The following SYTL5 variants were observed in gnomAD, a reference collection of about 807,000 sequenced individuals.
SYTL5 encodes the protein synaptotagmin like 5, also known as synaptotagmin-like protein 5.
Under a neutral mutation model 55.9 loss-of-function variants are expected in SYTL5, and 34 were observed. The ratio of observed to expected loss-of-function variants is 0.61; its 90% CI spans 0.46 to 0.81. The LOEUF (loss-of-function observed/expected upper bound fraction) is 0.81. Ranked by LOEUF, SYTL5 falls within the 30% of genes least tolerant of loss-of-function variation. The pLI, the probability that SYTL5 is intolerant of heterozygous loss-of-function variation, is 0.00. For missense variants in SYTL5, 637 were observed against 546.7 expected, an observed-to-expected ratio of 1.17 and a Z score of -1.65; for synonymous variants, 221 against 188.7, an observed-to-expected ratio of 1.17 and a Z score of -1.40.
intron 16 of SYTL5, among the ~76,000 whole-genome samples, chrX:38,126,004 A>G (rs1180567050): frequency 1.8e-5 from 2 of 111,980 alleles, no homozygotes; most frequent in African/African-American, 3.3e-5. Flanking sequence ...AGATCAAGGA[A>G]ACCCACCACT....
intron 6 of SYTL5, 134 bp downstream of exon 6, chrX:38,076,835 G>C: frequency 1.4e-6 from 1 of 707,987 alleles, no homozygotes; most frequent in Non-Finnish European, 2.1e-6. Context: ...GAAAATTCAG[G>C]AAGATATTTT....
At chrX:37,940,170 C>CA in the SYTL5 span, among the ~76,000 whole-genome samples, 1 of 110,749 alleles carries the variant, frequency 9.0e-6, no homozygotes, top group Non-Finnish European at 1.9e-5. Flanking sequence ...AGCCATTCTC[C>CA]AACCTCTGCC....
the SYTL5 span, among the ~76,000 whole-genome samples, chrX:37,941,181 G>A: frequency 2.7e-5 from 3 of 111,550 alleles, no homozygotes; most frequent in South Asian, 3.8e-4. Flanking sequence ...AAAATGCATC[G>A]ACTTCAGGGA....
At chrX:38,014,244 A>G (rs1483319833) in intron 1 of SYTL5, among the ~76,000 whole-genome samples, 2 of 112,173 alleles carry the variant, frequency 1.8e-5, no homozygotes, top group East Asian at 5.6e-4. Flanking sequence ...TTGTGTGTGT[A>G]CATATATGTT....
At chrX:38,103,128 C>T (rs1937123715) in intron 10 of SYTL5, 1 of 996,277 alleles carries the variant, frequency 1.0e-6, no homozygotes, top group Admixed American at 2.8e-5. Context: ...TCTTTCCAAC[C>T]ATACTTCACA....
the SYTL5 span, chrX:37,991,373 T>C: frequency 1.3e-6 from 1 of 790,915 alleles, no homozygotes; most frequent in South Asian, 3.0e-5. Flanking sequence ...CTGTAAGACA[T>C]CCAGGGGAAG....
the SYTL5 span, among the ~76,000 whole-genome samples, chrX:37,989,210 C>T: frequency 9.0e-6 from 1 of 111,517 alleles, no homozygotes; most frequent in South Asian, 3.8e-4. Context: ...TCAGAATAAG[C>T]AAGGAATAGA....
chrX:37,891,484 T>C, the SYTL5 span, among the ~76,000 whole-genome samples: 1 of 111,307 alleles, frequency 9.0e-6, no homozygotes, highest in South Asian at 3.7e-4. Context: ...ATTGGAAAAA[T>C]GAGAGGTAAC....
At chrX:38,067,922 A>G (rs5918467) in intron 3 of SYTL5, among the ~76,000 whole-genome samples, 14,149 of 111,725 alleles carry the variant, frequency 0.13, 774 homozygotes, top group Middle Eastern at 0.18. Context: ...TACAATAAAA[A>G]CAAAAATTGA....
intron 16 of SYTL5, among the ~76,000 whole-genome samples, chrX:38,125,770 A>G (rs1472389857): frequency 8.9e-6 from 1 of 111,800 alleles, no homozygotes; most frequent in Non-Finnish European, 1.9e-5. Context: ...TTTACACCTT[A>G]GTCTAAGTGA....
chrX:38,072,408 G>A (rs182546767), intron 4 of SYTL5, among the ~76,000 whole-genome samples: 152 of 112,315 alleles, frequency 1.4e-3, no homozygotes, highest in African/African-American at 4.8e-3. Context: ...GAAACCATTT[G>A]TCTCCATCAT....
At chrX:38,088,667 T>C (rs1936717876) in intron 6 of SYTL5, among the ~76,000 whole-genome samples, 1 of 112,593 alleles carries the variant, frequency 8.9e-6, no homozygotes, top group Non-Finnish European at 1.9e-5. Context: ...AATGTCATTA[T>C]TTTTGTACCA....
At chrX:37,946,719 C>A in the SYTL5 span, 1 of 117,640 alleles carries the variant, frequency 8.5e-6, no homozygotes, top group African/African-American at 3.2e-5. Context: ...TTCGAACACA[C>A]TTTCAGTTTA....
intron 2 of SYTL5, 131 bp from the exon 3 acceptor site, chrX:38,054,082 G>T: frequency 2.1e-6 from 1 of 481,463 alleles, no homozygotes; most frequent in South Asian, 3.4e-5. Flanking sequence ...GAGATTGCAT[G>T]GTGGTCCCCA....
At chrX:38,057,335 G>A (rs368260532) in intron 3 of SYTL5, among the ~76,000 whole-genome samples, 8 of 111,379 alleles carry the variant, frequency 7.2e-5, no homozygotes, top group South Asian at 3.7e-4. Flanking sequence ...CGGTTCCATC[G>A]GTCTTTGAAT....
At chrX:38,000,365 A>G in the SYTL5 span, among the ~76,000 whole-genome samples, 1 of 111,860 alleles carries the variant, frequency 8.9e-6, no homozygotes, top group Non-Finnish European at 1.9e-5. Context: ...TTATGGGTAC[A>G]TAGTAGGTGT....
chrX:38,059,283 G>T (rs1935874365), intron 3 of SYTL5, among the ~76,000 whole-genome samples: 1 of 111,627 alleles, frequency 9.0e-6, no homozygotes, highest in Admixed American at 9.5e-5. Flanking sequence ...ATTGTTTATT[G>T]TTTCTTGTGG....
chrX:37,908,492 A>G, the SYTL5 span, among the ~76,000 whole-genome samples: 1 of 111,744 alleles, frequency 8.9e-6, no homozygotes, highest in Non-Finnish European at 1.9e-5. Context: ...AGCCAGGGAG[A>G]GGCAGGTAGG....
upstream of SYTL5, among the ~76,000 whole-genome samples, chrX:38,005,536 AATAACCAC>A (rs1246687937): frequency 1.8e-5 from 2 of 111,540 alleles, no homozygotes; most frequent in African/African-American, 6.5e-5. Context: ...AAACTATAAA[AATAACCAC>A]ATGGAAATTT....
Sources: gnomAD v4.1 joint callset for allele counts (sites outside exome capture counted in the v4.1 genomes callset) on GRCh38, gnomAD v4.1.1 for gene constraint, MANE v1.5 for transcripts, NCBI Gene and HGNC (gene_info 2026-07-23, HGNC 2026-07-21) for gene names.